EFR3B: variants seen among roughly 807,000 people sequenced by gnomAD.
The protein encoded by EFR3B is EFR3 homolog B, also known as protein EFR3 homolog B.
Under a neutral mutation model 104.7 loss-of-function variants are expected in EFR3B, and 64 were observed. The ratio of observed to expected loss-of-function variants is 0.61; its 90% CI spans 0.50 to 0.75. The LOEUF is 0.75. Among genes scored for constraint, EFR3B ranks in the 30% least tolerant of loss-of-function variants. The probability of loss-of-function intolerance (pLI) is 0.00; values close to 1 mark genes in which losing one functional copy is unlikely to be tolerated. For synonymous variants in EFR3B, 385 were observed against 417.9 expected (o/e 0.92, Z 0.96); for missense variants, 750 against 1,078.5 (o/e 0.70, Z 4.27).
At chr2:25,145,199 C>T (rs549843587) in intron 19 of EFR3B, 148 bp downstream of exon 19, 97 of 705,724 alleles carry the variant, frequency 1.4e-4, no homozygotes, top group South Asian at 1.3e-3. Flanking sequence ...ACTCTCCCCA[C>T]GTATGCGTCA....
chr2:25,117,764 C>G (rs759690302), intron 4 of EFR3B, among the ~76,000 whole-genome samples: 2 of 152,060 alleles, frequency 1.3e-5, no homozygotes, highest in Admixed American at 6.5e-5. Flanking sequence ...TCATCCACCT[C>G]TTGTTCTCTA....
chr2:25,070,906 CA>C (rs200116365), intron 1 of EFR3B, among the ~76,000 whole-genome samples: 3,596 of 152,348 alleles, frequency 0.024, 68 homozygotes, highest in Non-Finnish European at 0.033. Flanking sequence ...GAAATGAAAA[CA>C]AAGGAGAAAA....
chr2:25,132,173 G>A (rs981308063), intron 10 of EFR3B, among the ~76,000 whole-genome samples: 33 of 152,222 alleles, frequency 2.2e-4, no homozygotes, highest in African/African-American at 7.7e-4. Context: ...TGCTATTCAC[G>A]GACCTCGGAG....
At chr2:25,103,813 G>C in intron 4 of EFR3B, 26 bp downstream of exon 4, 2 of 1,549,874 alleles carry the variant, frequency 1.3e-6, no homozygotes, top group Non-Finnish European at 1.7e-6. Flanking sequence ...GGGGGCTCCA[G>C]GTCTCCCAGC....
intron 4 of EFR3B, among the ~76,000 whole-genome samples, chr2:25,112,647 G>A (rs1370854336): frequency 1.3e-5 from 2 of 152,164 alleles, no homozygotes; most frequent in African/African-American, 4.8e-5. Context: ...CCATATGGTT[G>A]GCAAGATCTG....
intron 2 of EFR3B, among the ~76,000 whole-genome samples, chr2:25,092,373 G>A (rs1227275260): frequency 6.7e-6 from 1 of 149,692 alleles, no homozygotes; most frequent in African/African-American, 2.5e-5. Flanking sequence ...CGGCCTGGGT[G>A]GCTTTTAATG....
intron 1 of EFR3B, among the ~76,000 whole-genome samples, chr2:25,075,158 T>C (rs1042421801): frequency 6.6e-6 from 1 of 152,216 alleles, no homozygotes; most frequent in Non-Finnish European, 1.5e-5. Flanking sequence ...TGTCCTTTCC[T>C]ACTTGAGCAC....
chr2:25,076,326 A>G (rs2149177047), intron 1 of EFR3B, among the ~76,000 whole-genome samples: 1 of 152,316 alleles, frequency 6.6e-6, no homozygotes, highest in South Asian at 2.1e-4. Flanking sequence ...AAGTTGGGAA[A>G]AAGATTTTAA....
rs984663790 is a variant in EFR3B, at chr2:25,133,439, GC to G, written c.1311+9del. The G allele has an allele frequency of 5.8e-6, 9 of 1,552,266 alleles. No individual in the cohort carries two copies. Among genetic ancestry groups the G allele is most frequent in the African/African-American group, 1.4e-5 (1 of 73,044 alleles). ...CTGCTAAAATCCCTCCTGCAGGTGA[GC>G]CCCATCTATCCCCATTCCTGCTCTT... is the stretch of plus-strand genomic sequence containing the variant. On this transcript the variant is annotated splice_donor_region_variant and intron_variant, in intron 12 of 22. Transcript: ENST00000403714.
At chr2:25,074,831 G>A (rs1292108066) in intron 1 of EFR3B, among the ~76,000 whole-genome samples, 1 of 151,892 alleles carries the variant, frequency 6.6e-6, no homozygotes, top group East Asian at 1.9e-4. Flanking sequence ...TCGCCAGACT[G>A]GTCTTGAACT....
At chr2:25,081,120 T>G in intron 1 of EFR3B, 1 of 688,892 alleles carries the variant, frequency 1.5e-6, no homozygotes, top group East Asian at 2.5e-5. Context: ...TCCCCTAGGG[T>G]ATTTTCGCTT....
rs879647147 is a variant in EFR3B, at chr2:25,116,631, ATTTT to A, written c.364-5031_364-5028del. Among the ~76,000 whole-genome samples, 11 of 146,322 alleles carry A rather than the reference ATTTT, an allele frequency of 7.5e-5. No homozygotes were observed. In the Admixed American group the frequency reaches 7.6e-4, roughly 10 times the overall value. On this transcript the variant is annotated intron_variant, in intron 4 of 22. Transcript: ENST00000403714. The stretch of plus-strand genomic sequence containing the variant: ...AGGGCGAGACTGTCTCAAAAAAAAA[ATTTT>A]TTTTTTTTTTGAAGATTCGAAACTA...
At chr2:25,141,538 T>C (rs1573234062) in intron 17 of EFR3B, 105 bp downstream of exon 17, 1 of 1,243,706 alleles carries the variant, frequency 8.0e-7, no homozygotes, top group Non-Finnish European at 1.1e-6. Flanking sequence ...CTCAGACTTC[T>C]GTGGACTCAA....
At chr2:25,071,941 A>G (rs1057414543) in intron 1 of EFR3B, among the ~76,000 whole-genome samples, 8 of 152,156 alleles carry the variant, frequency 5.3e-5, no homozygotes, top group African/African-American at 1.7e-4. Flanking sequence ...CAGCTTTTCA[A>G]TGTATCTGTT....
intron 3 of EFR3B, among the ~76,000 whole-genome samples, chr2:25,103,385 T>A (rs566082354): frequency 6.6e-6 from 1 of 152,350 alleles, no homozygotes; most frequent in East Asian, 1.9e-4. Flanking sequence ...GTCGTCCTGT[T>A]CTTAATCTGT....
intron 4 of EFR3B, among the ~76,000 whole-genome samples, chr2:25,107,988 C>T (rs1242611911): frequency 1.3e-5 from 2 of 152,094 alleles, no homozygotes; most frequent in African/African-American, 4.8e-5. Flanking sequence ...CGTGCACCAC[C>T]ATGCCTGGCT....
chr2:25,047,316 G>A (rs1298787130), intron 1 of EFR3B, among the ~76,000 whole-genome samples: 5 of 152,096 alleles, frequency 3.3e-5, no homozygotes, highest in Admixed American at 3.3e-4. Context: ...GCCTGGGTCT[G>A]AACCCTAGCT....
chr2:25,116,346 AG>A (rs1277109086), intron 4 of EFR3B, among the ~76,000 whole-genome samples: 1 of 152,190 alleles, frequency 6.6e-6, no homozygotes, highest in African/African-American at 2.4e-5. Context: ...GAAACAGGCC[AG>A]GTGCGGTGGC....
At chr2:25,066,106 A>C (rs1668329633) in intron 1 of EFR3B, among the ~76,000 whole-genome samples, 1 of 151,708 alleles carries the variant, frequency 6.6e-6, no homozygotes, top group African/African-American at 2.4e-5. Flanking sequence ...TGGAGACCAG[A>C]TATCCCCCCA....
Sources: allele counts gnomAD v4.1 joint callset (sites outside exome capture counted in the v4.1 genomes callset), GRCh38; gene constraint gnomAD v4.1.1; transcripts MANE v1.5; gene names NCBI Gene and HGNC (gene_info 2026-07-23, HGNC 2026-07-21).